ERC2: variants seen among roughly 807,000 people sequenced by gnomAD.
The protein encoded by ERC2 is ERC protein 2.
A neutral mutation model predicts 114.8 loss-of-function variants in ERC2; 42 were observed. The observed-to-expected ratio is 0.37, with a 90% CI of 0.29 to 0.47. The LOEUF (loss-of-function observed/expected upper bound fraction) is 0.47, where lower values mean the gene tolerates loss of function less well. Ranked by LOEUF, ERC2 falls within the 20% of genes least tolerant of loss-of-function variation. ERC2 has a pLI of 0.99. For missense variants in ERC2, 939 were observed against 1,150.7 expected (o/e 0.82, Z 2.66); for synonymous variants, 454 against 425.5 (o/e 1.07, Z -0.82).
At chr3:56,117,624 T>C (rs1172895806) in intron 6 of ERC2, among the ~76,000 whole-genome samples, 1 of 152,152 alleles carries the variant, frequency 6.6e-6, no homozygotes, top group African/African-American at 2.4e-5. Flanking sequence ...GAAAATAGCA[T>C]GATGTAAGGC....
intron 3 of ERC2, among the ~76,000 whole-genome samples, chr3:56,243,874 T>C (rs1046906372): frequency 2.6e-5 from 4 of 152,124 alleles, no homozygotes; most frequent in Non-Finnish European, 1.5e-5. Context: ...AGAAAAAAAC[T>C]ACTTCCCAGG....
At chr3:56,089,492 A>C (rs1015697533) in intron 6 of ERC2, among the ~76,000 whole-genome samples, 1 of 152,176 alleles carries the variant, frequency 6.6e-6, no homozygotes, top group Non-Finnish European at 1.5e-5. Flanking sequence ...TAAAATATTT[A>C]ATCTATTATA....
intron 2 of ERC2, among the ~76,000 whole-genome samples, chr3:56,346,906 C>G (rs2058332273): frequency 6.6e-6 from 1 of 152,132 alleles, no homozygotes; most frequent in Non-Finnish European, 1.5e-5. Flanking sequence ...AGCCACAAAC[C>G]CTTTTATAAT....
chr3:56,060,791 C>A (rs573398699), intron 7 of ERC2, among the ~76,000 whole-genome samples: 145 of 152,294 alleles, frequency 9.5e-4, no homozygotes, highest in African/African-American at 3.4e-3. Context: ...TGCTCAGGGC[C>A]AATTCTCATT....
intron 7 of ERC2, among the ~76,000 whole-genome samples, chr3:56,028,017 T>G (rs534078119): frequency 6.6e-6 from 1 of 152,306 alleles, no homozygotes; most frequent in East Asian, 1.9e-4. Flanking sequence ...CCTGTAGATA[T>G]CTAATTATCT....
intron 15 of ERC2, among the ~76,000 whole-genome samples, chr3:55,716,436 G>C (rs761563589): frequency 3.9e-5 from 6 of 152,204 alleles, no homozygotes; most frequent in Non-Finnish European, 8.8e-5. Context: ...GTCCTGGAGA[G>C]TAAAGAAAAC....
intron 2 of ERC2, among the ~76,000 whole-genome samples, chr3:56,392,683 G>A (rs2060171880): frequency 6.6e-6 from 1 of 152,110 alleles, no homozygotes; most frequent in South Asian, 2.1e-4. Flanking sequence ...AAAAGTCCTT[G>A]AATATTTATT....
chr3:56,424,927 C>A (rs983365444), intron 2 of ERC2, among the ~76,000 whole-genome samples: 1 of 152,108 alleles, frequency 6.6e-6, no homozygotes, highest in African/African-American at 2.4e-5. Flanking sequence ...CACTTCAACT[C>A]GGAATTAAAA....
At chr3:55,675,856 C>G (rs950626354) in intron 17 of ERC2, among the ~76,000 whole-genome samples, 1 of 144,878 alleles carries the variant, frequency 6.9e-6, no homozygotes. Context: ...TTAAATGATG[C>G]CCTGCATCGT....
intron 14 of ERC2, 150 bp downstream of exon 14, chr3:55,888,239 T>C (rs1408364918): frequency 1.1e-6 from 1 of 950,868 alleles, no homozygotes; most frequent in African/African-American, 1.6e-5. Flanking sequence ...AATTAAAAAA[T>C]AAGAAACATA....
intron 17 of ERC2, among the ~76,000 whole-genome samples, chr3:55,681,030 T>C (rs1290461094): frequency 2.0e-5 from 3 of 152,076 alleles, no homozygotes; most frequent in Admixed American, 6.5e-5. Flanking sequence ...GCACAGGCCA[T>C]ACGCTGATAA....
intron 17 of ERC2, among the ~76,000 whole-genome samples, chr3:55,674,450 T>A (rs2061694699): frequency 1.3e-5 from 2 of 152,130 alleles, no homozygotes; most frequent in South Asian, 2.1e-4. Flanking sequence ...TTTGAGAAAA[T>A]TTTTTTCCTG....
intron 14 of ERC2, among the ~76,000 whole-genome samples, chr3:55,863,577 C>G (rs1371274573): frequency 2.6e-5 from 4 of 152,004 alleles, no homozygotes; most frequent in African/African-American, 9.7e-5. Flanking sequence ...TTCTAAAAGC[C>G]ACTTTGAATG....
chr3:56,272,944 C>G (rs964361116), intron 3 of ERC2, among the ~76,000 whole-genome samples: 1 of 152,146 alleles, frequency 6.6e-6, no homozygotes, highest in Admixed American at 6.5e-5. Context: ...TGTAGTCTCA[C>G]GTATAAAAGG....
intron 7 of ERC2, among the ~76,000 whole-genome samples, chr3:56,021,730 C>T (rs537275923): frequency 1.6e-3 from 239 of 152,278 alleles, no homozygotes; most frequent in African/African-American, 5.5e-3. Flanking sequence ...TCCCACCTTC[C>T]CCACTCAAGT....
intron 17 of ERC2, among the ~76,000 whole-genome samples, chr3:55,619,983 A>G (rs935776720): frequency 6.6e-6 from 1 of 152,188 alleles, no homozygotes; most frequent in Non-Finnish European, 1.5e-5. Context: ...CATTAAAGAA[A>G]TTTCACTGAC....
intron 17 of ERC2, among the ~76,000 whole-genome samples, chr3:55,627,043 C>T (rs1424244797): frequency 6.6e-6 from 1 of 152,254 alleles, no homozygotes; most frequent in Non-Finnish European, 1.5e-5. Context: ...CTCTATCCCA[C>T]TGAACAGTGT....
In ERC2 at chr3:56,046,329, A is replaced by T. The variant is rs377090008; in HGVS notation, c.1642-27298T>A. Among the ~76,000 whole-genome samples, 6 of 152,310 alleles carry T rather than the reference A, an allele frequency of 3.9e-5. No individual in the cohort carries two copies. The South Asian group carries it at 8.3e-4, about 21-fold the overall frequency. On this transcript the variant is annotated intron_variant, in intron 7 of 17. Transcript: ENST00000288221. Reference sequence around the variant, plus strand: ...GCCATTTAGGAGATACCCACAGGACATGGGTCCAGGAAGAAGCTGGGGGTG... The same window carrying T: ...GCCATTTAGGAGATACCCACAGGACTTGGGTCCAGGAAGAAGCTGGGGGTG...
intron 6 of ERC2, among the ~76,000 whole-genome samples, chr3:56,130,335 G>T (rs1228086625): frequency 1.3e-5 from 2 of 152,064 alleles, no homozygotes; most frequent in Admixed American, 1.3e-4. Flanking sequence ...TTTTCAGGAC[G>T]AATTCATGTA....
Sources: allele counts gnomAD v4.1 joint callset (sites outside exome capture counted in the v4.1 genomes callset), GRCh38; gene constraint gnomAD v4.1.1; transcripts MANE v1.5; gene names NCBI Gene and HGNC (gene_info 2026-07-23, HGNC 2026-07-21).